METTL16: variants seen among roughly 807,000 people sequenced by gnomAD.
METTL16 encodes the protein RNA N(6)-adenosine-methyltransferase METTL16.
A neutral mutation model predicts 57.9 loss-of-function variants in METTL16; 19 were observed. The ratio of observed to expected loss-of-function variants is 0.33; its 90% CI spans 0.23 to 0.48. The LOEUF (loss-of-function observed/expected upper bound fraction) is 0.48. METTL16 is among the 20% of genes least tolerant of loss of function. The probability of loss-of-function intolerance (pLI) is 0.99; values close to 1 mark genes in which losing one functional copy is unlikely to be tolerated. For missense variants in METTL16, 434 were observed against 691.5 expected (o/e 0.63, Z 4.18); for synonymous variants, 246 against 255.6 (o/e 0.96, Z 0.36).
chr17:2,449,333 C>T (rs2067051336), intron 6 of METTL16, among the ~76,000 whole-genome samples: 1 of 152,040 alleles, frequency 6.6e-6, no homozygotes, highest in Admixed American at 6.6e-5. Context: ...TAAACTGATG[C>T]TAAAATTTAT....
At chr17:2,507,431 T>C (rs2067551654) in intron 1 of METTL16, among the ~76,000 whole-genome samples, 1 of 146,914 alleles carries the variant, frequency 6.8e-6, no homozygotes, top group Non-Finnish European at 1.5e-5. Context: ...GAGGGGTGCC[T>C]CTGCCCGGCC....
intron 6 of METTL16, among the ~76,000 whole-genome samples, chr17:2,447,478 C>T (rs1395768853): frequency 1.5e-5 from 2 of 136,804 alleles, no homozygotes; most frequent in East Asian, 2.1e-4. Context: ...CCCGGCCAGC[C>T]GCCCCGTCCG....
chr17:2,464,003 A>G (rs2067172173), intron 6 of METTL16, among the ~76,000 whole-genome samples: 1 of 151,776 alleles, frequency 6.6e-6, no homozygotes, highest in Non-Finnish European at 1.5e-5. Context: ...GGTGCCTGTA[A>G]TCCCAGCTAC....
chr17:2,443,097 T>C (rs1383542945), intron 6 of METTL16, among the ~76,000 whole-genome samples: 2 of 152,128 alleles, frequency 1.3e-5, no homozygotes, highest in Non-Finnish European at 2.9e-5. Context: ...CAAGCGATTT[T>C]CCCGCCTCAG....
At chr17:2,485,106 T>C (rs2067331841) in intron 2 of METTL16, among the ~76,000 whole-genome samples, 1 of 152,110 alleles carries the variant, frequency 6.6e-6, no homozygotes, top group Non-Finnish European at 1.5e-5. Flanking sequence ...CCACTTTCCA[T>C]TGCTCACATT....
chr17:2,506,050 G>C (rs1786343843), intron 1 of METTL16, among the ~76,000 whole-genome samples: 1 of 150,876 alleles, frequency 6.6e-6, no homozygotes, highest in South Asian at 2.1e-4. Flanking sequence ...TCACTGCAAC[G>C]TCTGCCTCCC....
At chr17:2,439,587 A>G (rs1597444136) in intron 7 of METTL16, among the ~76,000 whole-genome samples, 1 of 152,086 alleles carries the variant, frequency 6.6e-6, no homozygotes, top group East Asian at 1.9e-4. Context: ...GAGTTTCTGG[A>G]TCTATAAAGG....
rs8077457 is a variant in METTL16 at position 2,451,956 on chromosome 17, G to A, written c.729-10397C>T. On this transcript the variant is annotated intron_variant, in intron 6 of 9. Transcript: ENST00000263092. ...AGCCCAGGAGTTTGAGACCATCCTG[G>A]GCAACATGGCAAGACCCCATCTCTA... 3.8e-3 allele frequency among the ~76,000 whole-genome samples: 584 copies of A among 151,894 alleles called. 4 individuals carry two copies. Among genetic ancestry groups the A allele is most frequent in the African/African-American group, 0.013 (542 of 41,418 alleles).
chr17:2,426,590 A>G (rs1454999757), intron 8 of METTL16, among the ~76,000 whole-genome samples: 3 of 151,184 alleles, frequency 2.0e-5, no homozygotes, highest in African/African-American at 7.3e-5. Context: ...TTAGTTGGGC[A>G]TGGTGGCACG....
chr17:2,435,014 C>T (rs2066899491), intron 8 of METTL16, among the ~76,000 whole-genome samples: 1 of 152,200 alleles, frequency 6.6e-6, no homozygotes, highest in Admixed American at 6.5e-5. Flanking sequence ...AGAGCTGGAA[C>T]AAAGAGGTAA....
rs2067249262 is a variant in METTL16, at chr17:2,473,534, A to C, written c.459T>G (p.Asp153Glu). ...KKNVEQNNLS[D>E]LIKVVKVPQK... The stretch of plus-strand genomic sequence containing the variant: ...TTCTGTGGCGCTAACCTTTTATGAG[A>C]TCAGATAAGTTATTCTGTTCCACAT... Residue 153 changes from aspartate to glutamate, a missense_variant, in exon 4 of 10, where the codon GAT becomes GAG. Asp to Glu is a conservative substitution (Grantham distance 45, BLOSUM62 2). Coordinates refer to ENST00000263092, the MANE Select transcript of METTL16 (RefSeq NM_024086.4). The C allele has an allele frequency of 6.2e-7, 1 of 1,613,362 alleles. No homozygotes were observed. Among genetic ancestry groups the C allele is most frequent in the East Asian group, 2.2e-5 (1 of 44,852 alleles).
chr17:2,480,778 A>G (rs750159208), intron 2 of METTL16, among the ~76,000 whole-genome samples: 1 of 152,256 alleles, frequency 6.6e-6, no homozygotes, highest in Non-Finnish European at 1.5e-5. Context: ...AATAAAATAC[A>G]TGAGTCCATC....
chr17:2,485,193 C>G (rs1335562723), intron 2 of METTL16, among the ~76,000 whole-genome samples: 1 of 152,174 alleles, frequency 6.6e-6, no homozygotes, highest in Admixed American at 6.5e-5. Context: ...CTGGGAACGC[C>G]GCATGCGAGG....
intron 6 of METTL16, chr17:2,460,415 A>C (rs559943648): frequency 5.9e-5 from 9 of 152,308 alleles, no homozygotes; most frequent in Non-Finnish European, 1.3e-4. Context: ...TACTGAGTCC[A>C]TTTCTACCCC....
At chr17:2,472,263 G>A (rs1031262836) in intron 4 of METTL16, among the ~76,000 whole-genome samples, 3 of 152,018 alleles carry the variant, frequency 2.0e-5, no homozygotes, top group Non-Finnish European at 4.4e-5. Flanking sequence ...CTATTAGAAC[G>A]GCCAAAATCC....
In METTL16 at chr17:2,477,731, G is replaced by A; in HGVS notation, c.283C>T (p.His95Tyr). 1 of 1,613,944 alleles carries A rather than the reference G, an allele frequency of 6.2e-7. No homozygotes were observed. The highest frequency in any genetic ancestry group is 8.5e-7 in the Non-Finnish European group (1 of 1,179,858). The change falls in exon 3 of 10, where the codon CAC becomes TAC. Residue 95 changes from histidine (H) to tyrosine (Y), a missense_variant. By Grantham distance (83) the His-to-Tyr change is moderately conservative. Transcript: ENST00000263092. ...AGAGTACTTTTGTCAGAATCCTGGT[G>A]ACCGATCAGATCTTCTACCCAGTGA... ...YIHWVEDLIG[H>Y]QDSDKSTLRR...
intron 8 of METTL16, among the ~76,000 whole-genome samples, chr17:2,437,015 G>C (rs1296462819): frequency 2.0e-5 from 3 of 151,896 alleles, no homozygotes; most frequent in Non-Finnish European, 4.4e-5. Context: ...CGCAGCAGCT[G>C]GGACTACAGG....
chr17:2,502,348 G>A lies in METTL16; in HGVS notation c.1-17C>T. 2 of 1,608,886 alleles carry A rather than the reference G, an allele frequency of 1.2e-6. No homozygotes were observed. The highest frequency in any genetic ancestry group is 1.1e-5 in the South Asian group (1 of 90,666). ...CAGAGCCATCTTAAGGAGAGAAAGA[G>A]AGAAAGAAAATCAGCATATTTATTA... On this transcript the variant is annotated splice_polypyrimidine_tract_variant and intron_variant, in intron 1 of 9. Coordinates refer to ENST00000263092, the MANE Select transcript of METTL16 (RefSeq NM_024086.4).
In METTL16 at chr17:2,420,654, C is replaced by T; in HGVS notation, c.1063-58G>A. 1.9e-6 allele frequency: 3 copies of T among 1,556,880 alleles called. No individual in the cohort carries two copies. The highest frequency in any genetic ancestry group is 2.4e-5 in the South Asian group (2 of 82,554). Reference sequence around the variant, plus strand: ...ATCACGTTTCCCCTCTCTCCAAACTCTCAATAAAAAAAAAAAGAAAAAAGA... The same window carrying T: ...ATCACGTTTCCCCTCTCTCCAAACTTTCAATAAAAAAAAAAAGAAAAAAGA... On this transcript the variant is annotated intron_variant, in intron 9 of 9. Transcript: ENST00000263092. This position sits in a 1 kb window ranked among gnomAD's most constrained non-coding sequence, Gnocchi z 5.4.
Sources: gnomAD v4.1 joint callset for allele counts (sites outside exome capture counted in the v4.1 genomes callset) on GRCh38, gnomAD v4.1.1 for gene constraint, Gnocchi (gnomAD v3.1) non-coding constraint, MANE v1.5 for transcripts, NCBI Gene and HGNC (gene_info 2026-07-23, HGNC 2026-07-21) for gene names.